Variants in PPP1R13B observed in about 807,000 individuals in gnomAD.
The protein encoded by PPP1R13B is apoptosis-stimulating of p53 protein 1.
A neutral mutation model predicts 119.8 loss-of-function variants in PPP1R13B; 44 were observed. The ratio of observed to expected loss-of-function variants is 0.37; its 90% confidence interval spans 0.29 to 0.47. The LOEUF is 0.47. Among genes scored for constraint, PPP1R13B ranks in the 20% least tolerant of loss-of-function variants. The probability of loss-of-function intolerance (pLI) is 0.99; values close to 1 mark genes in which losing one functional copy is unlikely to be tolerated. For synonymous variants in PPP1R13B, 542 were observed against 561.5 expected, an observed-to-expected ratio of 0.97 and a Z score of 0.49; for missense variants, 1,227 against 1,413.5, an observed-to-expected ratio of 0.87 and a Z score of 2.12.
chr14:103,824,333 A>G (rs908260477), intron 1 of PPP1R13B, among the ~76,000 whole-genome samples: 11 of 147,402 alleles, frequency 7.5e-5, no homozygotes, highest in Non-Finnish European at 1.5e-4. Context: ...TGTGAGCCAC[A>G]GCATCCAGCC....
chr14:103,840,999 T>C (rs2086894193), intron 1 of PPP1R13B, among the ~76,000 whole-genome samples: 1 of 151,276 alleles, frequency 6.6e-6, no homozygotes, highest in Non-Finnish European at 1.5e-5. Context: ...AATTAAAAAT[T>C]TTTTTTGCCA....
At chr14:103,826,633 T>A (rs972249213) in intron 1 of PPP1R13B, among the ~76,000 whole-genome samples, 2 of 150,510 alleles carry the variant, frequency 1.3e-5, no homozygotes, top group African/African-American at 4.9e-5. Flanking sequence ...TAGATTATGG[T>A]AGGTATAGGC....
At chr14:103,743,019 A>C in intron 9 of PPP1R13B, 196 bp from the exon 10 acceptor site, 1 of 600,746 alleles carries the variant, frequency 1.7e-6, no homozygotes, top group Non-Finnish European at 2.9e-6. Context: ...GCACAAGACC[A>C]AGGGACGGGC....
chr14:103,821,972 T>G (rs188575008), intron 1 of PPP1R13B, among the ~76,000 whole-genome samples: 16 of 152,244 alleles, frequency 1.1e-4, no homozygotes, highest in South Asian at 6.2e-4. Flanking sequence ...ATGCTGCTTT[T>G]GAGTGAAAAA....
At chr14:103,808,040 A>G (rs1257817943) in intron 1 of PPP1R13B, among the ~76,000 whole-genome samples, 1 of 152,000 alleles carries the variant, frequency 6.6e-6, no homozygotes, top group African/African-American at 2.4e-5. Context: ...CAGGAGTTCG[A>G]GACCAGCCTG....
At chr14:103,778,657 T>G in intron 4 of PPP1R13B, 88 bp downstream of exon 4, 2 of 1,023,304 alleles carry the variant, frequency 2.0e-6, no homozygotes, top group Non-Finnish European at 3.1e-6. Flanking sequence ...CCTCCCACCT[T>G]GGCCTCCCAA....
At chr14:103,768,407 C>T (rs1254720390) in intron 4 of PPP1R13B, among the ~76,000 whole-genome samples, 1 of 152,234 alleles carries the variant, frequency 6.6e-6, no homozygotes, top group African/African-American at 2.4e-5. Flanking sequence ...AGCAATTCCC[C>T]TGCCTCAGCC....
intron 1 of PPP1R13B, among the ~76,000 whole-genome samples, chr14:103,841,946 C>G (rs570976115): frequency 4.6e-5 from 7 of 152,170 alleles, no homozygotes; most frequent in African/African-American, 1.7e-4. Flanking sequence ...AACTGAGGCC[C>G]GAAGAGACTA....
intron 4 of PPP1R13B, among the ~76,000 whole-genome samples, chr14:103,768,091 C>A (rs1369152255): frequency 6.6e-6 from 1 of 150,612 alleles, no homozygotes; most frequent in Non-Finnish European, 1.5e-5. Flanking sequence ...AAATTCTAAG[C>A]CTCCGTGGTA....
chr14:103,788,825 C>T (rs2085536991), intron 2 of PPP1R13B, among the ~76,000 whole-genome samples: 1 of 152,090 alleles, frequency 6.6e-6, no homozygotes, highest in African/African-American at 2.4e-5. Flanking sequence ...ATGATATTAG[C>T]ATTTAGAGTG....
chr14:103,820,897 C>A (rs762673826), intron 1 of PPP1R13B, among the ~76,000 whole-genome samples: 1 of 151,622 alleles, frequency 6.6e-6, no homozygotes, highest in Non-Finnish European at 1.5e-5. Flanking sequence ...AAGTTGTTTG[C>A]GGGGAAAAAA....
At chr14:103,815,283 G>A (rs2086251790) in intron 1 of PPP1R13B, among the ~76,000 whole-genome samples, 1 of 152,180 alleles carries the variant, frequency 6.6e-6, no homozygotes, top group Admixed American at 6.6e-5. Context: ...TGGGAGGAAG[G>A]AGAGAGCGGG....
chr14:103,805,580 G>T (rs1449326709), intron 1 of PPP1R13B, among the ~76,000 whole-genome samples: 1 of 151,658 alleles, frequency 6.6e-6, no homozygotes, highest in Non-Finnish European at 1.5e-5. Context: ...CAAAAAAAAG[G>T]AAGGAAAGAA....
intron 5 of PPP1R13B, among the ~76,000 whole-genome samples, chr14:103,754,969 A>T (rs929903972): frequency 6.6e-6 from 1 of 151,990 alleles, no homozygotes; most frequent in Non-Finnish European, 1.5e-5. Context: ...TTTTTAGTAG[A>T]GACAGGGTTT....
chr14:103,771,486 T>G (rs1408618405), intron 4 of PPP1R13B, among the ~76,000 whole-genome samples: 2 of 147,988 alleles, frequency 1.4e-5, no homozygotes, highest in African/African-American at 5.0e-5. Flanking sequence ...TTTTTTTTTT[T>G]TTTTTTTTTT....
In PPP1R13B at chr14:103,738,744, G is replaced by A; in HGVS notation, c.2799C>T (p.His933=). The change falls in exon 14 of 17, where the codon CAC becomes CAT. Residue 933 remains histidine (H), a synonymous_variant. Transcript: ENST00000202556. The surrounding 1 kb of genome is among the most constrained non-coding windows in gnomAD (Gnocchi z 5.6). ...CCAGCAGGAACTTCACGATGTGATG[G>A]TGGCCGGCGCAGACGGCGTTGTGCA... The part of the protein sequence containing the change: ...TPLHNAVCAG[H]HHIVKFLLDF... The A allele has an allele frequency of 6.2e-7, 1 of 1,614,234 alleles. No individual in the cohort carries two copies. Among genetic ancestry groups the A allele is most frequent in the Non-Finnish European group, 8.5e-7 (1 of 1,180,048 alleles).
chr14:103,780,730 C>T (rs991763439), intron 3 of PPP1R13B, among the ~76,000 whole-genome samples: 2 of 150,748 alleles, frequency 1.3e-5, no homozygotes, highest in Non-Finnish European at 2.9e-5. Context: ...AGGGGAATTG[C>T]TTGAACCCGG....
intron 1 of PPP1R13B, among the ~76,000 whole-genome samples, chr14:103,800,517 G>C (rs2085872696): frequency 6.6e-6 from 1 of 151,966 alleles, no homozygotes; most frequent in African/African-American, 2.4e-5. Flanking sequence ...AGCCAGGCGT[G>C]GTGGCCCGCG....
chr14:103,827,614 T>C (rs2086577599), intron 1 of PPP1R13B, among the ~76,000 whole-genome samples: 1 of 149,072 alleles, frequency 6.7e-6, no homozygotes, highest in Non-Finnish European at 1.5e-5. Flanking sequence ...ATATGGTATA[T>C]ATAATACTAT....
Sources: allele counts gnomAD v4.1 joint callset (sites outside exome capture counted in the v4.1 genomes callset), GRCh38; gene constraint gnomAD v4.1.1; non-coding constraint Gnocchi (gnomAD v3.1); transcripts MANE v1.5; gene names NCBI Gene and HGNC (gene_info 2026-07-23, HGNC 2026-07-21).